The following PDE7B variants were observed in gnomAD, a reference collection of about 807,000 sequenced individuals.
PDE7B encodes the protein 3',5'-cyclic-AMP phosphodiesterase 7B.
Under a neutral mutation model 56.2 loss-of-function variants are expected in PDE7B, and 29 were observed. That is an observed-to-expected ratio of 0.52 (90% CI 0.38 to 0.70). The LOEUF (loss-of-function observed/expected upper bound fraction) is 0.70. Among genes scored for constraint, PDE7B ranks in the 30% least tolerant of loss-of-function variants. PDE7B has a pLI of 0.00. For missense variants in PDE7B, 490 were observed against 565.0 expected, an observed-to-expected ratio of 0.87 and a Z score of 1.35; for synonymous variants, 197 against 196.9, an observed-to-expected ratio of 1.00 and a Z score of 0.00.
intron 1 of PDE7B, 67 bp from the exon 2 acceptor site, chr6:135,947,397 T>C (rs1562449114): frequency 1.7e-6 from 2 of 1,190,588 alleles, no homozygotes; most frequent in South Asian, 2.5e-5. Context: ...TCAGGTCACA[T>C]GGATATATTG....
intron 1 of PDE7B, among the ~76,000 whole-genome samples, chr6:135,884,906 T>G (rs1775674294): frequency 6.6e-6 from 1 of 152,144 alleles, no homozygotes; most frequent in African/African-American, 2.4e-5. Flanking sequence ...GTTAACTTAG[T>G]TAGCATTCTA....
chr6:135,961,194 C>T (rs1774892177), intron 2 of PDE7B, among the ~76,000 whole-genome samples: 1 of 151,908 alleles, frequency 6.6e-6, no homozygotes. Context: ...AAAAATTACA[C>T]ACATTCTTTC....
chr6:135,859,077 C>T (rs531841124), intron 1 of PDE7B, among the ~76,000 whole-genome samples: 7 of 151,496 alleles, frequency 4.6e-5, no homozygotes, highest in Admixed American at 2.0e-4. Context: ...AAAAAAAGAC[C>T]TTCATTTCCC....
At chr6:135,856,006 A>T (rs539200395) in intron 1 of PDE7B, among the ~76,000 whole-genome samples, 2 of 152,272 alleles carry the variant, frequency 1.3e-5, no homozygotes, top group East Asian at 3.9e-4. Flanking sequence ...CTGTGATTTA[A>T]CCTGACAAAA....
intron 3 of PDE7B, among the ~76,000 whole-genome samples, chr6:136,139,939 T>C (rs1304063349): frequency 6.6e-6 from 1 of 152,202 alleles, no homozygotes; most frequent in Non-Finnish European, 1.5e-5. Context: ...ACTCTGATGG[T>C]AGTTTCTTTT....
chr6:136,107,931 A>C (rs1406362581), intron 2 of PDE7B, among the ~76,000 whole-genome samples: 1 of 152,146 alleles, frequency 6.6e-6, no homozygotes, highest in Non-Finnish European at 1.5e-5. Context: ...GATCAAGACC[A>C]TCCTGGCCAA....
chr6:135,976,187 T>C (rs1005216035), intron 2 of PDE7B, among the ~76,000 whole-genome samples: 2 of 152,160 alleles, frequency 1.3e-5, no homozygotes, highest in African/African-American at 4.8e-5. Context: ...TGTAATCCCT[T>C]AGAAAAATTC....
chr6:135,999,571 T>C (rs113473010), intron 2 of PDE7B, among the ~76,000 whole-genome samples: 7,162 of 152,196 alleles, frequency 0.047, 550 homozygotes, highest in African/African-American at 0.16. Context: ...GTTCCACCCA[T>C]GTTTCCACAA....
intron 2 of PDE7B, among the ~76,000 whole-genome samples, chr6:135,993,702 G>A (rs1775512771): frequency 6.6e-6 from 1 of 152,174 alleles, no homozygotes; most frequent in Non-Finnish European, 1.5e-5. Context: ...GTTAACTGAT[G>A]GGCTGAATTA....
chr6:136,083,876 AAG>A (rs1777245824), intron 2 of PDE7B, among the ~76,000 whole-genome samples: 3 of 152,266 alleles, frequency 2.0e-5, no homozygotes, highest in African/African-American at 7.2e-5. Flanking sequence ...CATCAGATAC[AAG>A]AGACATAGCT....
chr6:135,902,026 C>T (rs930370945), intron 1 of PDE7B, among the ~76,000 whole-genome samples: 1 of 152,110 alleles, frequency 6.6e-6, no homozygotes, highest in Non-Finnish European at 1.5e-5. Flanking sequence ...CTGTAACACC[C>T]TACGATTCTC....
At chr6:136,123,602 G>A (rs947620392) in intron 3 of PDE7B, among the ~76,000 whole-genome samples, 2 of 152,146 alleles carry the variant, frequency 1.3e-5, no homozygotes, top group African/African-American at 2.4e-5. Flanking sequence ...TGCCAAACAA[G>A]GATAACCTGT....
chr6:135,961,237 T>G (rs1393419718), intron 2 of PDE7B, among the ~76,000 whole-genome samples: 1 of 150,964 alleles, frequency 6.6e-6, no homozygotes, highest in Non-Finnish European at 1.5e-5. Context: ...ATTGCAATTG[T>G]TGGGTCATAG....
intron 2 of PDE7B, among the ~76,000 whole-genome samples, chr6:135,954,731 T>C (rs1163227637): frequency 1.3e-5 from 2 of 152,062 alleles, no homozygotes; most frequent in African/African-American, 4.8e-5. Flanking sequence ...TACAGAAAAT[T>C]TTTTCACCTT....
intron 2 of PDE7B, among the ~76,000 whole-genome samples, chr6:135,966,912 G>A (rs147316840): frequency 1.3e-5 from 2 of 152,238 alleles, no homozygotes; most frequent in South Asian, 2.1e-4. Flanking sequence ...ACTATGCTTG[G>A]TAGTAAGGAT....
chr6:136,087,478 G>C (rs1432840068), intron 2 of PDE7B, among the ~76,000 whole-genome samples: 2 of 152,084 alleles, frequency 1.3e-5, no homozygotes, highest in East Asian at 1.9e-4. Flanking sequence ...AAAGTAAGAA[G>C]AGCAAGAGAC....
chr6:135,859,087 C>T (rs1434384781), intron 1 of PDE7B, among the ~76,000 whole-genome samples: 1 of 151,704 alleles, frequency 6.6e-6, no homozygotes, highest in East Asian at 1.9e-4. Flanking sequence ...CTTCATTTCC[C>T]TTTCTCATTA....
chr6:136,124,423 T>C (rs760687015), intron 3 of PDE7B, among the ~76,000 whole-genome samples: 25 of 152,062 alleles, frequency 1.6e-4, no homozygotes, highest in South Asian at 4.1e-4. Flanking sequence ...ATCGACAAAA[T>C]AGTATATTGT....
intron 2 of PDE7B, among the ~76,000 whole-genome samples, chr6:136,089,991 T>A (rs1777359632): frequency 6.6e-6 from 1 of 152,178 alleles, no homozygotes; most frequent in South Asian, 2.1e-4. Context: ...TCTATCTTAG[T>A]GATACACACG....
Sources: allele counts gnomAD v4.1 joint callset (sites outside exome capture counted in the v4.1 genomes callset), GRCh38; gene constraint gnomAD v4.1.1; transcripts MANE v1.5; gene names NCBI Gene and HGNC (gene_info 2026-07-23, HGNC 2026-07-21).